CARHSP1: variants seen among roughly 807,000 people sequenced by gnomAD.
CARHSP1 encodes the protein calcium regulated heat stable protein 1.
CARHSP1 carries 14 observed loss-of-function variants against 12.5 expected under a neutral mutation model. That is an observed-to-expected ratio of 1.12 (90% CI 0.74 to 1.75). The LOEUF (loss-of-function observed/expected upper bound fraction) is 1.75, where lower values mean the gene tolerates loss of function less well. Ranked by LOEUF, CARHSP1 falls within the 40% of genes most tolerant of loss-of-function variation. The pLI is 0.00. For missense variants in CARHSP1, 343 were observed against 201.6 expected, an observed-to-expected ratio of 1.70 and a Z score of -4.25; for synonymous variants, 161 against 82.0, an observed-to-expected ratio of 1.96 and a Z score of -5.20.
At chr16:8,861,553 C>G in intron 1 of CARHSP1, 4 of 1,231,082 alleles carry the variant, frequency 3.2e-6, no homozygotes, top group Non-Finnish European at 4.3e-6. Flanking sequence ...TGCCCCATCC[C>G]TGAAATGTCA....
intron 1 of CARHSP1, among the ~76,000 whole-genome samples, chr16:8,863,233 C>T (rs1243222880): frequency 1.3e-5 from 2 of 151,764 alleles, no homozygotes; most frequent in African/African-American, 2.4e-5. Context: ...GTGATCCGCC[C>T]ACCCCAGCCT....
At chr16:8,860,134 G>A (rs1226635571) in intron 1 of CARHSP1, 6 of 985,354 alleles carry the variant, frequency 6.1e-6, no homozygotes, top group East Asian at 1.1e-4. Flanking sequence ...CCAGGGAACT[G>A]TGGAACACGT....
chr16:8,863,690 A>C (rs1239551823), intron 1 of CARHSP1, among the ~76,000 whole-genome samples: 2 of 152,064 alleles, frequency 1.3e-5, no homozygotes, highest in Non-Finnish European at 1.5e-5. Flanking sequence ...CTCACTCCCC[A>C]GTAGGCCCAG....
intron 2 of CARHSP1, 196 bp from the exon 3 acceptor site, chr16:8,858,668 T>A: frequency 1.6e-6 from 1 of 606,624 alleles, no homozygotes; most frequent in Non-Finnish European, 2.8e-6. Context: ...ACTCTTTGGA[T>A]GACCCTGGCC....
Position 8,854,867 on chromosome 16 carries a change from C to T in CARHSP1, c.*297G>A. ...GAGAAATACCACCCTTGATCCACTC[C>T]CTGGGATGGGGTTGGAACCTCCACT... On this transcript the variant is annotated 3_prime_UTR_variant, in exon 4 of 4. Transcript: ENST00000311052. The T allele has an allele frequency of 3.9e-6, 1 of 255,304 alleles. No homozygotes were observed. The highest frequency in any genetic ancestry group is 7.4e-6 in the Non-Finnish European group (1 of 134,808). The allele number at this position is 255,304 out of a possible 1,614,324, so 15.8% of individuals were successfully genotyped here.
intron 3 of CARHSP1, among the ~76,000 whole-genome samples, chr16:8,856,791 G>C (rs1039349224): frequency 6.6e-6 from 1 of 152,252 alleles, no homozygotes; most frequent in South Asian, 2.1e-4. Context: ...AGGGACAAGG[G>C]TGCAGATCGA....
rs1228692994 is a variant in CARHSP1 at position 8,854,611 on chromosome 16, T to TC, written c.*552dup. On this transcript the variant is annotated 3_prime_UTR_variant, in exon 4 of 4. Coordinates refer to ENST00000311052, the MANE Select transcript of CARHSP1 (RefSeq NM_014316.4). ...ATCCAAAGACCGCCACCCCCGCCTT[T>TC]CCCCACCCACTTCAAGCCAGCTCCC... 36 of 150,020 alleles carry TC rather than the reference T, an allele frequency of 2.4e-4. No individual in the cohort carries two copies. The highest frequency in any genetic ancestry group is 4.4e-4 in the South Asian group (2 of 4,524). 9.3% of individuals were successfully genotyped at this position (150,020 alleles called of 1,614,324 possible).
At chr16:8,856,826 C>T (rs2061128835) in intron 3 of CARHSP1, among the ~76,000 whole-genome samples, 1 of 152,026 alleles carries the variant, frequency 6.6e-6, no homozygotes, top group African/African-American at 2.4e-5. Context: ...CTAAAGGCTG[C>T]CCAGAGGATC....
chr16:8,854,812 G>A lies in CARHSP1; in HGVS notation c.*352C>T, dbSNP rs2061044107. 1 of 178,470 alleles carries A rather than the reference G, an allele frequency of 5.6e-6. No individual in the cohort carries two copies. 11.1% of individuals were successfully genotyped at this position (178,470 alleles called of 1,614,324 possible). A position where few individuals can be genotyped will look rare whatever the true frequency, so the allele number is the denominator to read the frequency against. On this transcript the variant is annotated 3_prime_UTR_variant, in exon 4 of 4. Transcript: ENST00000311052. ...CAGCTCCAGGAGGAAGAGGGATTCT[G>A]TGGGTTGAGCCCATGTGTCTGAGCA... is the stretch of plus-strand genomic sequence containing the variant.
intron 1 of CARHSP1, chr16:8,861,797 T>C (rs1467935113): frequency 1.8e-5 from 22 of 1,245,214 alleles, no homozygotes; most frequent in Admixed American, 2.7e-5. Flanking sequence ...GCACAGGTCA[T>C]AGAGTCCTAG....
Position 8,855,347 on chromosome 16 carries a change from C to T in CARHSP1, c.282-21G>A, listed in dbSNP as rs778917605. On this transcript the variant is annotated intron_variant, in intron 3 of 3. Transcript: ENST00000311052. Reference sequence around the variant, plus strand: ...CCACACTACGGGGGCATAAATAAAGCAGTCAGGGCTCACACCGGGACACAG... The same window carrying T: ...CCACACTACGGGGGCATAAATAAAGTAGTCAGGGCTCACACCGGGACACAG... 14 of 1,506,692 alleles carry T rather than the reference C, an allele frequency of 9.3e-6. No homozygotes were observed. The East Asian group carries it at 3.0e-4, about 32-fold the overall frequency. The allele number at this position is 1,506,692 out of a possible 1,614,324, so 93.3% of individuals were successfully genotyped here. A position where few individuals can be genotyped will look rare whatever the true frequency, so the allele number is the denominator to read the frequency against.
At chr16:8,868,164 T>G (rs1271343177) in intron 1 of CARHSP1, 1 of 152,658 alleles carries the variant, frequency 6.6e-6, no homozygotes, top group Non-Finnish European at 1.5e-5. Flanking sequence ...AGGCCTCCTA[T>G]TTGGCAGAGA....
In CARHSP1 at chr16:8,859,229, G is replaced by C. The variant is rs1388551913; in HGVS notation, c.100C>G (p.Leu34Val). The change falls in exon 2 of 4, where the codon CTG becomes GTG. Residue 34 changes from leucine (L) to valine (V), a missense_variant. Transcript: ENST00000311052. Reference sequence around the variant, plus strand: ...GGGCTTGGGACCACGTTGCCCCGCAGAGGGGATGGTGAGCGCTCACGGCTC... The same window carrying C: ...GGGCTTGGGACCACGTTGCCCCGCACAGGGGATGGTGAGCGCTCACGGCTC... ...PRSRERSPSPLRGNVVPSPLP... is the reference protein window; with the variant it reads ...PRSRERSPSPVRGNVVPSPLP... The C allele has an allele frequency of 8.1e-6, 13 of 1,602,638 alleles. No homozygotes were observed. The highest frequency in any genetic ancestry group is 9.3e-6 in the Non-Finnish European group (11 of 1,176,838).
At chr16:8,863,136 T>TTC (rs2061396811) in intron 1 of CARHSP1, among the ~76,000 whole-genome samples, 1 of 127,580 alleles carries the variant, frequency 7.8e-6, no homozygotes, top group Non-Finnish European at 1.6e-5. Flanking sequence ...TTTTTTTTTT[T>TTC]TCAGATAGGA....
At chr16:8,857,763 T>TA (rs1482353975) in intron 3 of CARHSP1, 14 of 136,522 alleles carry the variant, frequency 1.0e-4, no homozygotes, top group African/African-American at 3.3e-4. Context: ...CTCATTATTT[T>TA]TTTTTTTTTT....
At position 8,866,341 on chromosome 16, in the gene CARHSP1, G is replaced by A. The variant is rs1282460613; in HGVS notation, c.-8+2625C>T. On this transcript the variant is annotated intron_variant, in intron 1 of 3. Coordinates refer to ENST00000311052, the MANE Select transcript of CARHSP1 (RefSeq NM_014316.4). ...CCGGGCTACACTGGCCCATCTCACA[G>A]CCCAAGGCTTAACAGTGCAGGAGGT... is the stretch of plus-strand genomic sequence containing the variant. The A allele has an allele frequency of 4.0e-6, 3 of 751,364 alleles. No homozygotes were observed. The African/African-American group carries it at 5.7e-5, about 14-fold the overall frequency. 46.5% of individuals were successfully genotyped at this position (751,364 alleles called of 1,614,324 possible). A position where few individuals can be genotyped will look rare whatever the true frequency, so the allele number is the denominator to read the frequency against.
At position 8,853,975 on chromosome 16, in the gene CARHSP1, A is replaced by C. The variant is rs2061017561; in HGVS notation, c.*1189T>G. On this transcript the variant is annotated 3_prime_UTR_variant, in exon 4 of 4. Coordinates refer to ENST00000311052, the MANE Select transcript of CARHSP1 (RefSeq NM_014316.4). ...GTGGCGCATGCCTGTAATCCCAGCTACTCAGGAGACTGAGGCGGAATTGCC... is the reference window on the plus strand; with the variant it reads ...GTGGCGCATGCCTGTAATCCCAGCTCCTCAGGAGACTGAGGCGGAATTGCC... 6.6e-6 allele frequency: 1 copy of C among 152,146 alleles called. No homozygotes were observed. The highest frequency in any genetic ancestry group is 2.1e-4 in the South Asian group (1 of 4,826). 9.4% of individuals were successfully genotyped at this position (152,146 alleles called of 1,614,324 possible). A position where few individuals can be genotyped will look rare whatever the true frequency, so the allele number is the denominator to read the frequency against.
chr16:8,865,710 A>G (rs933608292), intron 1 of CARHSP1, among the ~76,000 whole-genome samples: 4 of 152,234 alleles, frequency 2.6e-5, no homozygotes, highest in African/African-American at 9.6e-5. Context: ...CCCTACAGCC[A>G]CTGTCCACAG....
chr16:8,858,452 C>T lies in CARHSP1; in HGVS notation c.179G>A (p.Gly60Asp). Residue 60 changes from glycine to aspartate, a missense_variant, in exon 3 of 4, where the codon GGC (glycine) becomes GAC (aspartate). Gly to Asp is a moderately conservative substitution (Grantham distance 94, BLOSUM62 -1). Transcript: ENST00000311052. ...TTTGCAGACTCCTTTGTAGACGGGG[C>T]CCTGTGAAGCCCGCACCGTCCTGAC... is the stretch of plus-strand genomic sequence containing the variant. ...TFSATVRASQ[G>D]PVYKGVCKCF... is the part of the protein sequence containing the mutation. 1 of 1,613,906 alleles carries T rather than the reference C, an allele frequency of 6.2e-7. No individual in the cohort carries two copies. Among genetic ancestry groups the T allele is most frequent in the East Asian group, 2.2e-5 (1 of 44,882 alleles).
Sources: allele counts gnomAD v4.1 joint callset (sites outside exome capture counted in the v4.1 genomes callset), GRCh38; gene constraint gnomAD v4.1.1; transcripts MANE v1.5; gene names NCBI Gene and HGNC (gene_info 2026-07-23, HGNC 2026-07-21).